The following CCRL2 variants were observed in gnomAD, a reference collection of about 807,000 sequenced individuals.
The protein encoded by CCRL2 is C-C chemokine receptor-like 2.
For missense variants in CCRL2, 451 were observed against 412.4 expected (o/e 1.09, Z -0.81); for synonymous variants, 181 against 165.6 (o/e 1.09, Z -0.71).
At position 46,408,485 on chromosome 3, in the gene CCRL2, G is replaced by A; in HGVS notation, c.406G>A (p.Gly136Arg). 3.7e-6 allele frequency: 6 copies of A among 1,614,178 alleles called. No homozygotes were observed. Among genetic ancestry groups the A allele is most frequent in the Non-Finnish European group, 5.1e-6 (6 of 1,180,026 alleles). The stretch of plus-strand genomic sequence containing the variant: ...AAGGTACCTAGTGTTTTTGCACAAG[G>A]GAAACTTTTTCTCAGCCAGGAGGAG... ...VQRYLVFLHKGNFFSARRRVP... is the reference protein window; with the variant it reads ...VQRYLVFLHKRNFFSARRRVP... Residue 136 changes from glycine (G) to arginine (R), a missense_variant, in exon 2 of 2, where the codon GGA becomes AGA. Physicochemically the swap from Gly to Arg is moderately radical, Grantham distance 125. Coordinates refer to ENST00000399036, the MANE Select transcript of CCRL2 (RefSeq NM_003965.5).
intron 1 of CCRL2, 101 bp downstream of exon 1, chr3:46,407,603 G>C: frequency 7.5e-7 from 1 of 1,339,584 alleles, no homozygotes. Context: ...CCCTTCGAGA[G>C]AAAAACGTCT....
rs1377004643 is a variant in CCRL2 at position 46,408,246 on chromosome 3, A to G, written c.167A>G (p.Asn56Ser). 1.2e-6 allele frequency: 2 copies of G among 1,614,206 alleles called. No homozygotes were observed. Among genetic ancestry groups the G allele is most frequent in the South Asian group, 1.1e-5 (1 of 91,074 alleles). ...GTGTTTGTGATCGGTGTCCTGGACAATCTCCTGGTTGTGCTTATCCTGGTA... is the reference window on the plus strand; with the variant it reads ...GTGTTTGTGATCGGTGTCCTGGACAGTCTCCTGGTTGTGCTTATCCTGGTA... ...SAVFVIGVLD[N>S]LLVVLILVKY... is the part of the protein sequence containing the mutation. The change falls in exon 2 of 2, where the codon AAT (asparagine) becomes AGT (serine). Residue 56 changes from asparagine to serine, a missense_variant. Transcript: ENST00000399036.
intron 1 of CCRL2, 197 bp from the exon 2 acceptor site, chr3:46,407,871 G>A (rs780446614): frequency 7.4e-6 from 5 of 673,224 alleles, no homozygotes; most frequent in Non-Finnish European, 1.3e-5. Context: ...CAACTAGATT[G>A]GGAATGGTGC....
rs763139331 is a variant in CCRL2 at position 46,408,667 on chromosome 3, G to A, written c.588G>A (p.Trp196Ter). Residue 196 changes from tryptophan (W) to a stop codon, truncating the protein, a stop_gained, in exon 2 of 2, where the codon TGG becomes TGA. Coordinates refer to ENST00000399036, the MANE Select transcript of CCRL2 (RefSeq NM_003965.5). LOFTEE classifies it low-confidence loss of function (END_TRUNC). ...TCCTGCCAGCTGATGAGACATTCTGGAAGCATTTTCTGACTTTAAAAATGA... is the reference window on the plus strand; with the variant it reads ...TCCTGCCAGCTGATGAGACATTCTGAAAGCATTTTCTGACTTTAAAAATGA... The part of the protein sequence containing the change: ...TPFLPADETF[W>*]KHFLTLKMNI... 57 of 1,614,068 alleles carry A rather than the reference G, an allele frequency of 3.5e-5. No homozygotes were observed. In the Middle Eastern group the frequency reaches 6.6e-4, roughly 19 times the overall value.
Position 46,408,938 on chromosome 3 carries a change from C to T in CCRL2, c.859C>T (p.Leu287Phe), listed in dbSNP as rs145501356. The T allele has an allele frequency of 6.2e-7, 1 of 1,614,184 alleles. No individual in the cohort carries two copies. The highest frequency in any genetic ancestry group is 8.5e-7 in the Non-Finnish European group (1 of 1,180,050). ...NLDKSVHITK[L>F]IATTHCCINP... The stretch of plus-strand genomic sequence containing the variant: ...GGACAAAAGTGTTCACATCACTAAA[C>T]TCATCGCCACCACCCACTGCTGCAT... The change falls in exon 2 of 2, where the codon CTC (leucine) becomes TTC (phenylalanine). Residue 287 changes from leucine (L) to phenylalanine (F), a missense_variant. Leu to Phe is a conservative substitution (Grantham distance 22, BLOSUM62 0). Coordinates refer to ENST00000399036, the MANE Select transcript of CCRL2 (RefSeq NM_003965.5).
Position 46,408,908 on chromosome 3 carries a change from A to T in CCRL2, c.829A>T (p.Asn277Tyr). ...CCTGAGTGACTGCAAGAGCAGCTAC[A>T]ATCTGGACAAAAGTGTTCACATCAC... Reference protein sequence around the residue: ...FSLSDCKSSYNLDKSVHITKL... With the variant: ...FSLSDCKSSYYLDKSVHITKL... The change falls in exon 2 of 2, where the codon AAT (asparagine) becomes TAT (tyrosine). Residue 277 changes from asparagine to tyrosine, a missense_variant. Asn to Tyr is a moderately radical substitution (Grantham distance 143). Transcript: ENST00000399036. 6.2e-7 allele frequency: 1 copy of T among 1,614,212 alleles called. No homozygotes were observed.
In CCRL2 at chr3:46,408,617, A is replaced by C. The variant is rs1702090559; in HGVS notation, c.538A>C (p.Lys180Gln). The change falls in exon 2 of 2, where the codon AAG becomes CAG. Residue 180 changes from lysine to glutamine, a missense_variant. Coordinates refer to ENST00000399036, the MANE Select transcript of CCRL2 (RefSeq NM_003965.5). ...YKPQMEDQKY[K>Q]CAFSRTPFLP... ...ACCTCAGATGGAAGACCAGAAATAC[A>C]AGTGTGCATTTAGCAGAACTCCCTT... 2 of 1,614,204 alleles carry C rather than the reference A, an allele frequency of 1.2e-6. No individual in the cohort carries two copies. The highest frequency in any genetic ancestry group is 1.7e-6 in the Non-Finnish European group (2 of 1,180,046).
intron 1 of CCRL2, chr3:46,407,751 T>C: frequency 1.5e-6 from 2 of 1,349,452 alleles, no homozygotes; most frequent in Non-Finnish European, 2.0e-6. Context: ...ATTGTGTTCA[T>C]GTAGGCAAGT....
rs1412611850 is a variant in CCRL2 at position 46,408,203 on chromosome 3, C to T, written c.124C>T (p.Pro42Ser). 1 of 1,613,950 alleles carries T rather than the reference C, an allele frequency of 6.2e-7. No homozygotes were observed. The highest frequency in any genetic ancestry group is 1.3e-5 in the African/African-American group (1 of 75,056). ...CCAGGCACTCTCAGCCCAGCTGGTG[C>T]CATCACTCTGCTCTGCTGTGTTTGT... ...DAQALSAQLV[P>S]SLCSAVFVIG... The change falls in exon 2 of 2, where the codon CCA becomes TCA. Residue 42 changes from proline to serine, a missense_variant. Physicochemically the swap from Pro to Ser is moderately conservative, Grantham distance 74. Transcript: ENST00000399036.
intron 1 of CCRL2, chr3:46,407,780 A>T: frequency 8.6e-7 from 1 of 1,166,942 alleles, no homozygotes; most frequent in South Asian, 1.4e-5. Context: ...TGCTAAAAGA[A>T]GGTAAGTTCT....
In CCRL2 at chr3:46,408,944, G is replaced by A. The variant is rs751476154; in HGVS notation, c.865G>A (p.Ala289Thr). ...AAGTGTTCACATCACTAAACTCATCGCCACCACCCACTGCTGCATCAACCC... is the reference window on the plus strand; with the variant it reads ...AAGTGTTCACATCACTAAACTCATCACCACCACCCACTGCTGCATCAACCC... ...DKSVHITKLI[A>T]TTHCCINPLL... The change falls in exon 2 of 2, where the codon GCC becomes ACC. Residue 289 changes from alanine to threonine, a missense_variant. Physicochemically the swap from Ala to Thr is moderately conservative, Grantham distance 58. Coordinates refer to ENST00000399036, the MANE Select transcript of CCRL2 (RefSeq NM_003965.5). 6.2e-6 allele frequency: 10 copies of A among 1,613,932 alleles called. No homozygotes were observed. Among genetic ancestry groups the A allele is most frequent in the East Asian group, 2.2e-5 (1 of 44,882 alleles).
chr3:46,408,064 A>G lies in CCRL2; in HGVS notation c.-12-4A>G. 6.5e-7 allele frequency: 1 copy of G among 1,546,016 alleles called. No individual in the cohort carries two copies. The highest frequency in any genetic ancestry group is 1.4e-5 in the African/African-American group (1 of 73,766). On this transcript the variant is annotated splice_region_variant and splice_polypyrimidine_tract_variant and intron_variant, in intron 1 of 1. Coordinates refer to ENST00000399036, the MANE Select transcript of CCRL2 (RefSeq NM_003965.5). ...GGGGAAAATCATCTCCCATTTCTCC[A>G]CAGGGCAGTCTGAAGATGGCCAATT... is the stretch of plus-strand genomic sequence containing the variant.
In CCRL2 at chr3:46,408,016, T is replaced by C. The variant is rs557108808; in HGVS notation, c.-12-52T>C. ...AATCCAGGTCCAGTTTGTTGTTTCC[T>C]CCAGGATAAGGCAGCTGTCGGAGGG... On this transcript the variant is annotated intron_variant, in intron 1 of 1. Transcript: ENST00000399036. 71 of 1,376,182 alleles carry C rather than the reference T, an allele frequency of 5.2e-5. No homozygotes were observed. In the African/African-American group the frequency reaches 9.3e-4, roughly 18 times the overall value. The allele number at this position is 1,376,182 out of a possible 1,614,324, so 85.2% of individuals were successfully genotyped here. A position where few individuals can be genotyped will look rare whatever the true frequency, so the allele number is the denominator to read the frequency against.
chr3:46,407,610 G>C, intron 1 of CCRL2, 108 bp downstream of exon 1: 3 of 1,398,876 alleles, frequency 2.1e-6, no homozygotes, highest in South Asian at 1.3e-5. Context: ...AGAGAAAAAC[G>C]TCTCAGCTGT....
In CCRL2 at chr3:46,408,564, C is replaced by T; in HGVS notation, c.485C>T (p.Ala162Val). 6.2e-7 allele frequency: 1 copy of T among 1,614,122 alleles called. No individual in the cohort carries two copies. The highest frequency in any genetic ancestry group is 1.6e-4 in the Middle Eastern group (1 of 6,062). The change falls in exon 2 of 2, where the codon GCC becomes GTC. Residue 162 changes from alanine (A) to valine (V), a missense_variant. By Grantham distance (64) the Ala-to-Val change is moderately conservative (BLOSUM62 0). Coordinates refer to ENST00000399036, the MANE Select transcript of CCRL2 (RefSeq NM_003965.5). ...CTGGCATGGGTAACAGCCATTCTGG[C>T]CACTTTGCCTGAATTCGTGGTTTAT... ...SVLAWVTAIL[A>V]TLPEFVVYKP...
rs904816382 is a variant in CCRL2, at chr3:46,407,717, C to G, written c.-13+215C>G. 6.6e-6 allele frequency: 10 copies of G among 1,509,108 alleles called. No homozygotes were observed. In the Admixed American group the frequency reaches 2.2e-4, roughly 33 times the overall value. The allele number at this position is 1,509,108 out of a possible 1,614,324, so 93.5% of individuals were successfully genotyped here. A position where few individuals can be genotyped will look rare whatever the true frequency, so the allele number is the denominator to read the frequency against. Reference sequence around the variant, plus strand: ...AAAGTAAGCCATCGTACTTGGTTCTCTTTAATTATATATTTTCTTACATAT... The same window carrying G: ...AAAGTAAGCCATCGTACTTGGTTCTGTTTAATTATATATTTTCTTACATAT... On this transcript the variant is annotated intron_variant, in intron 1 of 1. Transcript: ENST00000399036.
chr3:46,408,960 G>T lies in CCRL2; in HGVS notation c.881G>T (p.Cys294Phe). Residue 294 changes from cysteine to phenylalanine, a missense_variant, in exon 2 of 2, where the codon TGC (cysteine) becomes TTC (phenylalanine). Physicochemically the swap from Cys to Phe is radical, Grantham distance 205. Transcript: ENST00000399036. ...AAACTCATCGCCACCACCCACTGCT[G>T]CATCAACCCTCTCCTGTATGCGTTT... ...ITKLIATTHC[C>F]INPLLYAFLD... 1.9e-6 allele frequency: 3 copies of T among 1,614,124 alleles called. No individual in the cohort carries two copies. The highest frequency in any genetic ancestry group is 2.5e-6 in the Non-Finnish European group (3 of 1,180,032).
intron 1 of CCRL2, 166 bp downstream of exon 1, chr3:46,407,668 ATTATGATCTACACCCG>A: frequency 6.5e-7 from 1 of 1,540,958 alleles, no homozygotes; most frequent in Non-Finnish European, 8.7e-7. Context: ...AAATGCAGAA[ATTATGATCTACACCCG>A]TTTCTTAAAA....
Position 46,409,300 on chromosome 3 carries a change from C to A in CCRL2, c.*186C>A, listed in dbSNP as rs1483350622. 1 of 618,200 alleles carries A rather than the reference C, an allele frequency of 1.6e-6. No homozygotes were observed. The highest frequency in any genetic ancestry group is 2.9e-6 in the Non-Finnish European group (1 of 344,246). 38.3% of individuals were successfully genotyped at this position (618,200 alleles called of 1,614,324 possible). ...GCAAGGCTCTTTACAAACGTGAGCT[C>A]CTTCGCCTCCTACCACTTGTCCATA... On this transcript the variant is annotated 3_prime_UTR_variant, in exon 2 of 2. Coordinates refer to ENST00000399036, the MANE Select transcript of CCRL2 (RefSeq NM_003965.5).
Sources: gnomAD v4.1 joint callset for allele counts on GRCh38, gnomAD v4.1.1 for gene constraint, MANE v1.5 for transcripts, NCBI Gene and HGNC (gene_info 2026-07-23, HGNC 2026-07-21) for gene names.